C5orf58: variants seen among roughly 807,000 people sequenced by gnomAD.
C5orf58 encodes putative uncharacterized protein C5orf58.
C5orf58 carries 2 observed loss-of-function variants against 2.9 expected under a neutral mutation model. The observed-to-expected ratio is 0.69, with a 90% CI of 0.28 to 2.18. The LOEUF is 2.18. C5orf58 is among the 30% of genes most tolerant of loss of function. C5orf58 has a pLI of 0.13. For synonymous variants in C5orf58, 37 were observed against 33.4 expected (o/e 1.11, Z -0.37); for missense variants, 96 against 91.7 (o/e 1.05, Z -0.19).
At chr5:170,246,288 A>G, downstream of C5orf58, 1 of 539,976 alleles carries the variant, frequency 1.9e-6, no homozygotes, top group Non-Finnish European at 3.2e-6. Flanking sequence ...TTACGTCACT[A>G]ATGGCAAGTG....
rs771818823 is a variant in C5orf58, at chr5:170,234,174, G to T, written c.-25G>T. 5.1e-6 allele frequency: 7 copies of T among 1,367,460 alleles called. No individual in the cohort carries two copies. The highest frequency in any genetic ancestry group is 1.5e-5 in the African/African-American group (1 of 67,732). 84.7% of individuals were successfully genotyped at this position (1,367,460 alleles called of 1,614,324 possible). A position where few individuals can be genotyped will look rare whatever the true frequency, so the allele number is the denominator to read the frequency against. ...CAGAAATTCTCCCTGCTCAGGAAAA[G>T]GTAGAGGCAAGGATTGACTTAAAGG... On this transcript the variant is annotated 5_prime_UTR_variant, in exon 2 of 4. In the 5' UTR this introduces an upstream ATG that the reference lacks. Coordinates refer to ENST00000593851, the MANE Select transcript of C5orf58 (RefSeq NM_001102609.3).
downstream of C5orf58, chr5:170,251,045 C>T: frequency 1.7e-6 from 1 of 592,742 alleles, no homozygotes; most frequent in Non-Finnish European, 3.0e-6. Context: ...ATTCAGTTCT[C>T]CAAACAGCTA....
At chr5:170,252,544 T>A (rs1761469280), downstream of C5orf58, 2 of 1,121,526 alleles carry the variant, frequency 1.8e-6, no homozygotes, top group Admixed American at 2.0e-5. Flanking sequence ...ACTGAATAAA[T>A]TTTACAGTTA....
chr5:170,245,127 C>T (rs866225616), intron 3 of C5orf58, among the ~76,000 whole-genome samples: 1 of 152,156 alleles, frequency 6.6e-6, no homozygotes, highest in South Asian at 2.1e-4. Context: ...GCAGTCTGCC[C>T]GTTCTCAGAT....
At chr5:170,239,146 G>A (rs74881205) in intron 3 of C5orf58, among the ~76,000 whole-genome samples, 1 of 152,110 alleles carries the variant, frequency 6.6e-6, no homozygotes, top group Non-Finnish European at 1.5e-5. Flanking sequence ...ACTCAATTGG[G>A]GGACATTTAG....
downstream of C5orf58, chr5:170,248,596 G>T: frequency 8.1e-7 from 1 of 1,235,066 alleles, no homozygotes; most frequent in Non-Finnish European, 1.2e-6. Context: ...CATGGGGAGG[G>T]GTTCAGTTCA....
downstream of C5orf58, chr5:170,247,657 C>A (rs1320262340): frequency 1.3e-5 from 2 of 152,142 alleles, no homozygotes; most frequent in African/African-American, 4.8e-5. Flanking sequence ...AGTTTAATTA[C>A]CTCAAAGCAC....
In C5orf58 at chr5:170,234,267, G is replaced by A. The variant is rs998127666; in HGVS notation, c.-1+69G>A. 10 of 928,918 alleles carry A rather than the reference G, an allele frequency of 1.1e-5. No individual in the cohort carries two copies. The African/African-American group carries it at 1.5e-4, about 14-fold the overall frequency. The allele number at this position is 928,918 out of a possible 1,614,324, so 57.5% of individuals were successfully genotyped here. ...ACTGCCCACCTTTCACACTGCTGGA[G>A]TTGTGTATGCTAATTGAGATGGAGT... On this transcript the variant is annotated intron_variant, in intron 2 of 3. Transcript: ENST00000593851.
intron 3 of C5orf58, among the ~76,000 whole-genome samples, chr5:170,236,635 T>G (rs779844292): frequency 9.2e-5 from 14 of 152,146 alleles, no homozygotes; most frequent in Non-Finnish European, 1.8e-4. Flanking sequence ...CCCTCTAGTC[T>G]CTTACTCTGT....
chr5:170,238,743 C>A (rs1760847135), intron 3 of C5orf58, among the ~76,000 whole-genome samples: 1 of 152,176 alleles, frequency 6.6e-6, no homozygotes, highest in Non-Finnish European at 1.5e-5. Context: ...TCACTGGAAC[C>A]TAGAAGACAA....
At chr5:170,237,026 A>T (rs1760770830) in intron 3 of C5orf58, among the ~76,000 whole-genome samples, 1 of 152,230 alleles carries the variant, frequency 6.6e-6, no homozygotes, top group Non-Finnish European at 1.5e-5. Flanking sequence ...GAACTCATTT[A>T]AAACAGTTAA....
At chr5:170,249,417 T>C (rs1761379575), downstream of C5orf58, among the ~76,000 whole-genome samples, 1 of 151,124 alleles carries the variant, frequency 6.6e-6, no homozygotes, top group African/African-American at 2.4e-5. Context: ...TAATTTGAAA[T>C]GCATATATTT....
chr5:170,237,350 A>G (rs1760785163), intron 3 of C5orf58: 1 of 398,296 alleles, frequency 2.5e-6, no homozygotes, highest in Non-Finnish European at 4.4e-6. Flanking sequence ...AACTCTCTTC[A>G]TCATAATCCT....
chr5:170,240,186 T>C (rs768593602), intron 3 of C5orf58, among the ~76,000 whole-genome samples: 2,520 of 151,612 alleles, frequency 0.017, 38 homozygotes, highest in Non-Finnish European at 0.026. Context: ...TGTTGGACAT[T>C]TGGGTTGGTT....
At chr5:170,244,511 C>T (rs1293989200) in intron 3 of C5orf58, among the ~76,000 whole-genome samples, 17 of 151,744 alleles carry the variant, frequency 1.1e-4, no homozygotes, top group Admixed American at 2.6e-4. Context: ...CTTCCCTTCT[C>T]GCTTCATTTC....
At chr5:170,241,500 G>A (rs1477869294) in intron 3 of C5orf58, among the ~76,000 whole-genome samples, 6 of 150,432 alleles carry the variant, frequency 4.0e-5, no homozygotes, top group Non-Finnish European at 1.5e-5. Flanking sequence ...CACATCCCTT[G>A]TAAGTTGGAT....
Position 170,246,188 on chromosome 5 carries a change from T to C in C5orf58, c.*75T>C. ...TGGGAGAGTTGAGTTTACTAATTTG[T>C]ATATATATAATTTAAAACAAAATAA... On this transcript the variant is annotated 3_prime_UTR_variant, in exon 4 of 4. Coordinates refer to ENST00000593851, the MANE Select transcript of C5orf58 (RefSeq NM_001102609.3). The C allele has an allele frequency of 8.6e-7, 1 of 1,160,728 alleles. No individual in the cohort carries two copies. Among genetic ancestry groups the C allele is most frequent in the Non-Finnish European group, 1.2e-6 (1 of 832,190 alleles). The allele number at this position is 1,160,728 out of a possible 1,614,324, so 71.9% of individuals were successfully genotyped here.
chr5:170,247,250 C>T (rs1026220650), downstream of C5orf58: 3 of 152,140 alleles, frequency 2.0e-5, no homozygotes, highest in Admixed American at 6.5e-5. Context: ...CTTAAACTCC[C>T]AAGTTTTGGA....
intron 3 of C5orf58, among the ~76,000 whole-genome samples, chr5:170,244,852 C>T (rs1299969264): frequency 4.6e-5 from 7 of 152,240 alleles, no homozygotes; most frequent in African/African-American, 7.2e-5. Flanking sequence ...GGAGGAGAGG[C>T]GCTCTGCGTT....
Sources: gnomAD v4.1 joint callset for allele counts (sites outside exome capture counted in the v4.1 genomes callset) on GRCh38, gnomAD v4.1.1 for gene constraint, MANE v1.5 for transcripts, NCBI Gene and HGNC (gene_info 2026-07-23, HGNC 2026-07-21) for gene names.